Variants in SLC47A1 observed in about 807,000 individuals in gnomAD.
SLC47A1 encodes the protein solute carrier family 47 member 1.
A neutral mutation model predicts 65.8 loss-of-function variants in SLC47A1; 58 were observed. The observed-to-expected ratio is 0.88, with a 90% CI of 0.71 to 1.10. The LOEUF (loss-of-function observed/expected upper bound fraction) is 1.10, where lower values mean the gene tolerates loss of function less well. SLC47A1 is among the 50% of genes least tolerant of loss of function. The probability of loss-of-function intolerance (pLI) is 0.00; values close to 1 mark genes in which losing one functional copy is unlikely to be tolerated. For synonymous variants in SLC47A1, 285 were observed against 295.0 expected (o/e 0.97, Z 0.35); for missense variants, 706 against 719.2 (o/e 0.98, Z 0.21).
chr17:19,558,281 A>C (rs1050171673), intron 10 of SLC47A1, among the ~76,000 whole-genome samples: 2 of 152,168 alleles, frequency 1.3e-5, no homozygotes, highest in Non-Finnish European at 2.9e-5. Context: ...TATCTGTAGA[A>C]GTTCACTCAG....
intron 1 of SLC47A1, 132 bp downstream of exon 1, chr17:19,534,206 G>A: frequency 1.6e-6 from 2 of 1,218,478 alleles, no homozygotes; most frequent in Non-Finnish European, 2.1e-6. Flanking sequence ...GGGGAGCATC[G>A]TGCCAGGAGC....
intron 16 of SLC47A1, among the ~76,000 whole-genome samples, chr17:19,575,466 A>G (rs2084432818): frequency 6.8e-6 from 1 of 147,802 alleles, no homozygotes; most frequent in Non-Finnish European, 1.5e-5. Context: ...TGGTGCAATT[A>G]TAGCTCACTG....
chr17:19,545,789 C>T (rs1476694736), intron 2 of SLC47A1, among the ~76,000 whole-genome samples: 3 of 152,140 alleles, frequency 2.0e-5, no homozygotes, highest in Non-Finnish European at 4.4e-5. Flanking sequence ...CACACCTGGC[C>T]AACAATTCTT....
chr17:19,534,233 C>T, intron 1 of SLC47A1, 159 bp downstream of exon 1: 2 of 911,402 alleles, frequency 2.2e-6, no homozygotes, highest in East Asian at 3.3e-5. Context: ...GGCACCCCAG[C>T]TCCTCTGCCT....
intron 14 of SLC47A1, among the ~76,000 whole-genome samples, chr17:19,569,841 G>C (rs2084386255): frequency 6.6e-6 from 1 of 152,216 alleles, no homozygotes; most frequent in African/African-American, 2.4e-5. Context: ...AGGTGGTTCA[G>C]GTGAGCTTGT....
Position 19,565,448 on chromosome 17 carries a change from C to CG in SLC47A1, c.1107-1337dup, listed in dbSNP as rs1463560512. On this transcript the variant is annotated intron_variant, in intron 12 of 16. Transcript: ENST00000270570. ...AAACTTCTTTTCAGCTGATGGGGAA[C>CG]GGGGGAGGGATGTCACCAAATCCCT... Among the ~76,000 whole-genome samples the CG allele has an allele frequency of 2.0e-5, 3 of 152,066 alleles. No individual in the cohort carries two copies. In the East Asian group the frequency reaches 5.8e-4, roughly 29 times the overall value.
chr17:19,547,824 G>A (rs191800028), intron 3 of SLC47A1, among the ~76,000 whole-genome samples, 161 bp from the exon 4 acceptor site: 10,750 of 146,124 alleles, frequency 0.074, 525 homozygotes, highest in Non-Finnish European at 0.11. Flanking sequence ...CCAGGTTCAA[G>A]CGATTCTCCT....
At position 19,554,285 on chromosome 17, in the gene SLC47A1, G is replaced by A. The variant is rs720252; in HGVS notation, c.544-927G>A. ...ACGTGGACCTGGTGCTCCTCCTTTG[G>A]AAACTCAAGGCTAAGAAGGATGTTG... On this transcript the variant is annotated intron_variant, in intron 6 of 16. Coordinates refer to ENST00000270570, the MANE Select transcript of SLC47A1 (RefSeq NM_018242.3). Among the ~76,000 whole-genome samples, 15 of 152,312 alleles carry A rather than the reference G, an allele frequency of 9.8e-5. No homozygotes were observed. The East Asian group carries it at 2.7e-3, about 27-fold the overall frequency.
intron 6 of SLC47A1, among the ~76,000 whole-genome samples, chr17:19,554,099 A>C (rs949841485): frequency 6.6e-6 from 1 of 152,142 alleles, no homozygotes; most frequent in Non-Finnish European, 1.5e-5. Context: ...TGTCGCAGTG[A>C]GAGAGACTAG....
At chr17:19,546,281 G>A (rs947290185) in intron 2 of SLC47A1, among the ~76,000 whole-genome samples, 154 bp from the exon 3 acceptor site, 1 of 152,180 alleles carries the variant, frequency 6.6e-6, no homozygotes, top group Non-Finnish European at 1.5e-5. Flanking sequence ...AATGGCTTCA[G>A]TATGAGTGGG....
chr17:19,564,062 G>A (rs949209531), intron 12 of SLC47A1, among the ~76,000 whole-genome samples: 1 of 145,454 alleles, frequency 6.9e-6, no homozygotes, highest in Non-Finnish European at 1.5e-5. Context: ...AAATATAAAA[G>A]TGAATATAGG....
In SLC47A1 at chr17:19,572,785, G is replaced by C. The variant is rs758828090; in HGVS notation, c.1410G>C (p.Gln470His). The C allele has an allele frequency of 6.2e-7, 1 of 1,614,070 alleles. No individual in the cohort carries two copies. The highest frequency in any genetic ancestry group is 8.5e-7 in the Non-Finnish European group (1 of 1,179,994). ...LNWKKACQQA[Q>H]VHANLKVNNV... The stretch of plus-strand genomic sequence containing the variant: ...GACTGAGTTTCATTTTCCAGGCTCA[G>C]GTACACGCCAATTTGAAAGTAAACA... Residue 470 changes from glutamine to histidine, a missense_variant, in exon 16 of 17, where the codon CAG becomes CAC. Gln to His is a conservative substitution (Grantham distance 24). Coordinates refer to ENST00000270570, the MANE Select transcript of SLC47A1 (RefSeq NM_018242.3).
intron 1 of SLC47A1, 29 bp downstream of exon 1, chr17:19,534,103 G>C (rs755933481): frequency 4.7e-6 from 7 of 1,497,102 alleles, no homozygotes; most frequent in South Asian, 2.5e-5. Flanking sequence ...GTGGCAGGCC[G>C]GTACCGGCGG....
In SLC47A1 at chr17:19,555,112, C is replaced by A. The variant is rs576275562; in HGVS notation, c.544-100C>A. ...AAGCCCCCCAGCTATGCCTGTGATA[C>A]CCGCTGAGCAGGCCAGCTGGAGCCT... On this transcript the variant is annotated intron_variant, in intron 6 of 16. Transcript: ENST00000270570. 1.3e-5 allele frequency: 14 copies of A among 1,057,782 alleles called. No homozygotes were observed. The South Asian group carries it at 1.8e-4, about 14-fold the overall frequency. The allele number at this position is 1,057,782 out of a possible 1,614,324, so 65.5% of individuals were successfully genotyped here. A position where few individuals can be genotyped will look rare whatever the true frequency, so the allele number is the denominator to read the frequency against.
intron 9 of SLC47A1, 34 bp from the exon 10 acceptor site, chr17:19,555,961 T>C: frequency 1.9e-6 from 3 of 1,614,154 alleles, no homozygotes; most frequent in Non-Finnish European, 2.5e-6. Context: ...GGGCCCTGTC[T>C]GGGTGCAAGG....
chr17:19,534,061 T>TGCG lies in SLC47A1; in HGVS notation c.123_124insCGG (p.Leu41_Ala42insArg). The TGCG allele has an allele frequency of 6.5e-7, 1 of 1,543,636 alleles. No individual in the cohort carries two copies. The highest frequency in any genetic ancestry group is 8.7e-7 in the Non-Finnish European group (1 of 1,145,358). ...GAAGAGCTGCGGGCGCTCTTGGTCC[T>TGCG]GGCTGGCCCCGCGGTGAGTAAGGTG... On this transcript the variant is annotated inframe_insertion, in exon 1 of 17. Transcript: ENST00000270570.
chr17:19,549,294 G>A (rs1391054202), intron 4 of SLC47A1, among the ~76,000 whole-genome samples: 1 of 152,004 alleles, frequency 6.6e-6, no homozygotes, highest in Non-Finnish European at 1.5e-5. Context: ...CGCCTCCTGG[G>A]TTCAAAAGAT....
At position 19,578,146 on chromosome 17, in the gene SLC47A1, G is replaced by A. The variant is rs981812313; in HGVS notation, c.*593G>A. 2.3e-5 allele frequency: 10 copies of A among 432,666 alleles called. No homozygotes were observed. In the Admixed American group the frequency reaches 2.9e-4, roughly 13 times the overall value. The allele number at this position is 432,666 out of a possible 1,614,324, so 26.8% of individuals were successfully genotyped here. ...CTACAGGGGTATGCCACCATGCCCA[G>A]CTGGCATTTGTTAATCTTCATTTGA... On this transcript the variant is annotated 3_prime_UTR_variant, in exon 17 of 17. Transcript: ENST00000270570.
At chr17:19,554,381 G>A (rs1046652499) in intron 6 of SLC47A1, among the ~76,000 whole-genome samples, 1 of 152,154 alleles carries the variant, frequency 6.6e-6, no homozygotes, top group Non-Finnish European at 1.5e-5. Flanking sequence ...GGAAATTGAG[G>A]CTACTTTTTT....
Sources: allele counts gnomAD v4.1 joint callset (sites outside exome capture counted in the v4.1 genomes callset), GRCh38; gene constraint gnomAD v4.1.1; transcripts MANE v1.5; gene names NCBI Gene and HGNC (gene_info 2026-07-23, HGNC 2026-07-21).